Variants in CSMD1 observed in about 807,000 individuals in gnomAD.
The protein encoded by CSMD1 is CUB and Sushi multiple domains 1, also known as CUB and sushi domain-containing protein 1.
A neutral mutation model predicts 417.5 loss-of-function variants in CSMD1; 213 were observed. That is an observed-to-expected ratio of 0.51 (90% CI 0.46 to 0.57). The LOEUF (loss-of-function observed/expected upper bound fraction) is 0.57, where lower values mean the gene tolerates loss of function less well. Ranked by LOEUF, CSMD1 falls within the 20% of genes least tolerant of loss-of-function variation. CSMD1 has a pLI of 0.00. For synonymous variants in CSMD1, 2,862 were observed against 1,736.8 expected (o/e 1.65, Z -16.11); for missense variants, 6,923 against 4,529.7 (o/e 1.53, Z -15.17).
chr8:3,213,088 A>G (rs1366270742), intron 30 of CSMD1, among the ~76,000 whole-genome samples: 3 of 151,608 alleles, frequency 2.0e-5, no homozygotes, highest in Non-Finnish European at 2.9e-5. Flanking sequence ...CAGCCTCCCA[A>G]ATTGCTGGGA....
intron 2 of CSMD1, among the ~76,000 whole-genome samples, chr8:4,444,047 G>C (rs561451073): frequency 6.6e-6 from 1 of 152,240 alleles, no homozygotes; most frequent in African/African-American, 2.4e-5. Flanking sequence ...TTTGAGAAGA[G>C]TAAGATAGAG....
At chr8:4,423,771 G>T (rs1007152676) in intron 2 of CSMD1, among the ~76,000 whole-genome samples, 1 of 151,948 alleles carries the variant, frequency 6.6e-6, no homozygotes, top group Non-Finnish European at 1.5e-5. Flanking sequence ...TTTTGCGAGA[G>T]AAGAATAAAG....
chr8:4,044,294 G>C (rs919139477), intron 3 of CSMD1, among the ~76,000 whole-genome samples: 2 of 152,120 alleles, frequency 1.3e-5, no homozygotes, highest in Non-Finnish European at 2.9e-5. Context: ...GAAAAACAGA[G>C]AAATCATCTC....
intron 5 of CSMD1, among the ~76,000 whole-genome samples, chr8:3,852,636 G>A (rs1017157515): frequency 3.3e-5 from 5 of 151,636 alleles, no homozygotes; most frequent in Admixed American, 2.0e-4. Context: ...CTTCATCAAA[G>A]TGACCAAGGG....
chr8:3,120,705 G>GGGT (rs1554431368), intron 41 of CSMD1, among the ~76,000 whole-genome samples: 22 of 114,348 alleles, frequency 1.9e-4, no homozygotes, highest in African/African-American at 7.9e-4. Flanking sequence ...AAATTAGCCA[G>GGGT]GGGGGGTGAC....
At chr8:4,761,081 T>G (rs1812010756) in intron 1 of CSMD1, among the ~76,000 whole-genome samples, 1 of 152,162 alleles carries the variant, frequency 6.6e-6, no homozygotes, top group South Asian at 2.1e-4. Context: ...AAGTATGTGT[T>G]TGTTAATCAG....
intron 23 of CSMD1, among the ~76,000 whole-genome samples, chr8:3,320,535 A>C (rs144720313): frequency 6.6e-6 from 1 of 152,178 alleles, no homozygotes; most frequent in Admixed American, 6.6e-5. Flanking sequence ...TTTTTATTCT[A>C]CAACTAATAA....
intron 3 of CSMD1, among the ~76,000 whole-genome samples, chr8:4,234,179 T>G (rs75106389): frequency 1.3e-5 from 2 of 152,130 alleles, no homozygotes; most frequent in African/African-American, 2.4e-5. Context: ...AGTTAACTCT[T>G]GACTTAGACC....
chr8:4,139,475 G>A lies in CSMD1; in HGVS notation c.416-107376C>T, dbSNP rs563037566. Among the ~76,000 whole-genome samples the A allele has an allele frequency of 3.4e-4, 51 of 151,634 alleles. 2 individuals carry two copies. The highest frequency in any genetic ancestry group is 6.5e-4 in the Admixed American group (10 of 15,280). On this transcript the variant is annotated intron_variant, in intron 3 of 69. Coordinates refer to ENST00000635120, the MANE Select transcript of CSMD1 (RefSeq NM_033225.6). ...GCCCTGGAGGCGTGGACAGTCCAGT[G>A]AGGAAGGTGGCGTGGATGAATGGTC...
At chr8:4,707,784 G>C (rs1584974936) in intron 1 of CSMD1, among the ~76,000 whole-genome samples, 1 of 151,750 alleles carries the variant, frequency 6.6e-6, no homozygotes, top group East Asian at 2.0e-4. Flanking sequence ...CTACTCGGGA[G>C]GCTGAAGCAG....
chr8:4,292,904 T>G (rs998379378), intron 3 of CSMD1, among the ~76,000 whole-genome samples: 6 of 152,172 alleles, frequency 3.9e-5, no homozygotes, highest in Non-Finnish European at 8.8e-5. Context: ...AATTTGTTAG[T>G]TCTGCAAATT....
chr8:3,897,346 G>C (rs1344097454), intron 5 of CSMD1, among the ~76,000 whole-genome samples: 1 of 152,198 alleles, frequency 6.6e-6, no homozygotes, highest in Admixed American at 6.5e-5. Context: ...CTTATAAGCA[G>C]TGTGCTCTAA....
rs1815204244 is a variant in CSMD1 at position 3,095,082 on chromosome 8, AAT to A, written c.7138+1765_7138+1766del. Among the ~76,000 whole-genome samples the A allele has an allele frequency of 2.6e-5, 4 of 152,166 alleles. No homozygotes were observed. The South Asian group carries it at 8.3e-4, about 31-fold the overall frequency. On this transcript the variant is annotated intron_variant, in intron 47 of 69. Transcript: ENST00000635120. Reference sequence around the variant, plus strand: ...TCAAATTGCAAGCCATGAGTGCATAAATTATTGATAAATAATTTGCTCCTGAA... The same window carrying A: ...TCAAATTGCAAGCCATGAGTGCATAATATTGATAAATAATTTGCTCCTGAA...
At chr8:4,147,259 G>T (rs1005713696) in intron 3 of CSMD1, among the ~76,000 whole-genome samples, 1 of 152,000 alleles carries the variant, frequency 6.6e-6, no homozygotes, top group Non-Finnish European at 1.5e-5. Flanking sequence ...ATCCTTCAGC[G>T]GCTCCTCCTC....
intron 36 of CSMD1, among the ~76,000 whole-genome samples, chr8:3,184,802 C>T (rs1289565814): frequency 6.6e-6 from 1 of 152,132 alleles, no homozygotes; most frequent in African/African-American, 2.4e-5. Context: ...GAGTCCTTGA[C>T]TCCTTACTTC....
chr8:3,983,752 T>C (rs1371800468), intron 5 of CSMD1, among the ~76,000 whole-genome samples: 1 of 152,202 alleles, frequency 6.6e-6, no homozygotes, highest in African/African-American at 2.4e-5. Context: ...TGGTAGCATC[T>C]GATGGGGCTG....
intron 1 of CSMD1, among the ~76,000 whole-genome samples, chr8:4,727,126 T>C (rs1809509847): frequency 6.6e-6 from 1 of 152,104 alleles, no homozygotes; most frequent in Non-Finnish European, 1.5e-5. Flanking sequence ...TGCAGCTGAA[T>C]GTAACTTCTG....
chr8:4,763,801 CA>C (rs1196189087), intron 1 of CSMD1, among the ~76,000 whole-genome samples: 3 of 152,074 alleles, frequency 2.0e-5, no homozygotes, highest in Non-Finnish European at 2.9e-5. Flanking sequence ...TAAAAGACTG[CA>C]ATTAAAATTA....
rs397757527 is a variant in CSMD1, at chr8:4,841,911, C to CAAAA, written c.85+152417_85+152420dup. ...GGGCAACAAGAGCAAAACTCCGTCT[C>CAAAA]AAAAAAAAAAAAAAAAAAAAAAAAA... On this transcript the variant is annotated intron_variant, in intron 1 of 69. Coordinates refer to ENST00000635120, the MANE Select transcript of CSMD1 (RefSeq NM_033225.6). Among the ~76,000 whole-genome samples the CAAAA allele has an allele frequency of 3.4e-4, 12 of 34,828 alleles. 1 individual carries two copies. Among genetic ancestry groups the CAAAA allele is most frequent in the Admixed American group, 1.0e-3 (2 of 1,920 alleles). 22.8% of individuals were successfully genotyped at this position (34,828 alleles called of 152,430 possible).
Sources: gnomAD v4.1 joint callset for allele counts (sites outside exome capture counted in the v4.1 genomes callset) on GRCh38, gnomAD v4.1.1 for gene constraint, MANE v1.5 for transcripts, NCBI Gene and HGNC (gene_info 2026-07-23, HGNC 2026-07-21) for gene names.